ETV1: variants seen among roughly 807,000 people sequenced by gnomAD.
ETV1 encodes the protein ETS variant transcription factor 1, also known as ETS translocation variant 1.
A neutral mutation model predicts 62.3 loss-of-function variants in ETV1; 27 were observed. The observed-to-expected ratio is 0.43, with a 90% CI of 0.32 to 0.60. The LOEUF (loss-of-function observed/expected upper bound fraction) is 0.60. Ranked by LOEUF, ETV1 falls within the 20% of genes least tolerant of loss-of-function variation. The pLI is 0.06. For missense variants in ETV1, 605 were observed against 605.8 expected (o/e 1.00, Z 0.01); for synonymous variants, 222 against 199.6 (o/e 1.11, Z -0.94).
At chr7:13,932,069 C>CA (rs1554298801) in intron 8 of ETV1, among the ~76,000 whole-genome samples, 1 of 151,392 alleles carries the variant, frequency 6.6e-6, no homozygotes, top group African/African-American at 2.4e-5. Context: ...CACACACACA[C>CA]AACGATTAAT....
chr7:13,922,600 AC>A (rs1784980330), intron 9 of ETV1, among the ~76,000 whole-genome samples: 1 of 152,178 alleles, frequency 6.6e-6, no homozygotes, highest in African/African-American at 2.4e-5. Context: ...ATCAGCCAAA[AC>A]AAAACAAGAC....
intron 9 of ETV1, among the ~76,000 whole-genome samples, chr7:13,927,150 T>C (rs1785517955): frequency 1.3e-5 from 2 of 152,128 alleles, no homozygotes; most frequent in African/African-American, 4.8e-5. Context: ...TTAACTGACT[T>C]AGAAAATGCT....
chr7:13,931,604 G>T lies in ETV1; in HGVS notation c.700C>A (p.Pro234Thr), dbSNP rs752193835. 4 of 1,613,922 alleles carry T rather than the reference G, an allele frequency of 2.5e-6. No individual in the cohort carries two copies. The highest frequency in any genetic ancestry group is 3.4e-6 in the Non-Finnish European group (4 of 1,179,918). ...PQGFKQEYHD[P>T]VYEHNTMVGS... The stretch of plus-strand genomic sequence containing the variant: ...ACCATGGTGTTGTGTTCATACACTG[G>T]GTCGTGGTACTCCTGCTTAAAGCCT... The change falls in exon 9 of 14, where the codon CCA becomes ACA. Residue 234 changes from proline (P) to threonine (T), a missense_variant. Pro to Thr is a conservative substitution (Grantham distance 38). Coordinates refer to ENST00000430479, the MANE Select transcript of ETV1 (RefSeq NM_004956.5).
chr7:13,913,878 C>CTT (rs544899107), intron 9 of ETV1, among the ~76,000 whole-genome samples: 21,574 of 87,964 alleles, frequency 0.25, 2,784 homozygotes, highest in Non-Finnish European at 0.3. Context: ...GGGGGTACCT[C>CTT]TTTTTTTTTT....
chr7:13,950,419 C>T (rs1391956522), intron 6 of ETV1, among the ~76,000 whole-genome samples: 1 of 152,124 alleles, frequency 6.6e-6, no homozygotes, highest in East Asian at 1.9e-4. Context: ...AGTAACTTCA[C>T]ACTCTCTTGC....
At chr7:13,942,286 A>T (rs577710657) in intron 6 of ETV1, among the ~76,000 whole-genome samples, 2 of 152,104 alleles carry the variant, frequency 1.3e-5, no homozygotes, top group East Asian at 3.9e-4. Context: ...GCCTCCCAAA[A>T]TGCTGGCATT....
intron 9 of ETV1, among the ~76,000 whole-genome samples, chr7:13,917,929 A>C (rs909817329): frequency 2.0e-5 from 3 of 151,910 alleles, no homozygotes; most frequent in Non-Finnish European, 4.4e-5. Context: ...ATGCCACTGC[A>C]CTCCAGCCTG....
chr7:13,986,533 A>G (rs1782567902), intron 5 of ETV1, 105 bp downstream of exon 5: 9 of 1,568,902 alleles, frequency 5.7e-6, no homozygotes, highest in African/African-American at 1.4e-5. Context: ...TGGCTCTTTT[A>G]GAGCTCAATT....
chr7:13,951,163 T>C (rs192752138), intron 6 of ETV1, among the ~76,000 whole-genome samples: 1 of 152,182 alleles, frequency 6.6e-6, no homozygotes, highest in African/African-American at 2.4e-5. Flanking sequence ...AATCATCATA[T>C]GTACAAGTAA....
intron 6 of ETV1, among the ~76,000 whole-genome samples, chr7:13,945,388 C>T (rs868445809): frequency 6.6e-5 from 10 of 152,082 alleles, no homozygotes; most frequent in African/African-American, 2.4e-4. Flanking sequence ...CCCCAACTCT[C>T]TCCATAACAG....
chr7:13,919,289 C>G (rs6963903), intron 9 of ETV1, among the ~76,000 whole-genome samples: 20,060 of 151,666 alleles, frequency 0.13, 1,426 homozygotes, highest in Middle Eastern at 0.24. Flanking sequence ...CCAGGATTTA[C>G]TATAATATTT....
intron 8 of ETV1, among the ~76,000 whole-genome samples, chr7:13,932,858 A>G (rs73276807): frequency 0.027 from 4,055 of 152,276 alleles, 149 homozygotes; most frequent in African/African-American, 0.088. Flanking sequence ...AATGTTAAAT[A>G]AAAATAAGGT....
In ETV1 at chr7:13,939,144, T is replaced by A; in HGVS notation, c.338A>T (p.Tyr113Phe). The A allele has an allele frequency of 6.2e-7, 1 of 1,613,362 alleles. No individual in the cohort carries two copies. Among genetic ancestry groups the A allele is most frequent in the Non-Finnish European group, 8.5e-7 (1 of 1,179,686 alleles). ...CSQEQPFKFSYGEKCLYNVSA... is the reference protein window; with the variant it reads ...CSQEQPFKFSFGEKCLYNVSA... ...GACATTGTACAGGCACTTTTCTCCATAGCTGAATTTAAAGGGCTGTTCTTG... is the reference window on the plus strand; with the variant it reads ...GACATTGTACAGGCACTTTTCTCCAAAGCTGAATTTAAAGGGCTGTTCTTG... The change falls in exon 7 of 14, where the codon TAT (tyrosine) becomes TTT (phenylalanine). Residue 113 changes from tyrosine to phenylalanine, a missense_variant. Coordinates refer to ENST00000430479, the MANE Select transcript of ETV1 (RefSeq NM_004956.5).
At chr7:13,963,390 C>T (rs1286812806) in intron 6 of ETV1, among the ~76,000 whole-genome samples, 2 of 151,748 alleles carry the variant, frequency 1.3e-5, no homozygotes, top group African/African-American at 4.8e-5. Flanking sequence ...ACTGCTATTC[C>T]CTTAACTATT....
At chr7:13,960,838 G>A (rs1297696485) in intron 6 of ETV1, among the ~76,000 whole-genome samples, 1 of 151,998 alleles carries the variant, frequency 6.6e-6, no homozygotes, top group Non-Finnish European at 1.5e-5. Flanking sequence ...ATTTTCCTTG[G>A]GGGCTGAAAA....
At chr7:13,974,009 C>G (rs191418195) in intron 6 of ETV1, among the ~76,000 whole-genome samples, 1 of 152,112 alleles carries the variant, frequency 6.6e-6, no homozygotes, top group East Asian at 1.9e-4. Context: ...CTGAATGTGA[C>G]GTGTTTCTTG....
intron 9 of ETV1, among the ~76,000 whole-genome samples, chr7:13,925,657 C>T (rs1785332986): frequency 6.6e-6 from 1 of 152,004 alleles, no homozygotes; most frequent in East Asian, 1.9e-4. Flanking sequence ...GCTACACCTC[C>T]CTGGTTCACA....
In ETV1 at chr7:13,895,785, T is replaced by G. The variant is rs1781709387; in HGVS notation, c.*81A>C. ...AAAAATAAAATACAAACAACAGAAA[T>G]AAAACAAAGATTCAGCAATTCTCTG... On this transcript the variant is annotated 3_prime_UTR_variant, in exon 14 of 14. Transcript: ENST00000430479. 5 of 921,336 alleles carry G rather than the reference T, an allele frequency of 5.4e-6. No individual in the cohort carries two copies. The highest frequency in any genetic ancestry group is 4.6e-5 in the South Asian group (3 of 65,480). 57.1% of individuals were successfully genotyped at this position (921,336 alleles called of 1,614,324 possible).
At chr7:13,987,235 T>G (rs2128515012) in intron 4 of ETV1, among the ~76,000 whole-genome samples, 1 of 152,158 alleles carries the variant, frequency 6.6e-6, no homozygotes, top group East Asian at 1.9e-4. Flanking sequence ...CATTAATAGG[T>G]TTATAAAAGT....
Sources: allele counts gnomAD v4.1 joint callset (sites outside exome capture counted in the v4.1 genomes callset), GRCh38; gene constraint gnomAD v4.1.1; transcripts MANE v1.5; gene names NCBI Gene and HGNC (gene_info 2026-07-23, HGNC 2026-07-21).